The following GPC5 variants were observed in gnomAD, a reference collection of about 807,000 sequenced individuals.
GPC5 encodes the protein glypican 5, also known as glypican-5.
Under a neutral mutation model 53.9 loss-of-function variants are expected in GPC5, and 47 were observed. The observed-to-expected ratio is 0.87, with a 90% CI of 0.69 to 1.11. The LOEUF (loss-of-function observed/expected upper bound fraction) is 1.11, where lower values mean the gene tolerates loss of function less well. Ranked by LOEUF, GPC5 falls within the 50% of genes most tolerant of loss-of-function variation. The probability of loss-of-function intolerance (pLI) is 0.00; values close to 1 mark genes in which losing one functional copy is unlikely to be tolerated. For missense variants in GPC5, 748 were observed against 713.1 expected, an observed-to-expected ratio of 1.05 and a Z score of -0.56; for synonymous variants, 286 against 263.3, an observed-to-expected ratio of 1.09 and a Z score of -0.84.
intron 7 of GPC5, among the ~76,000 whole-genome samples, chr13:92,537,765 T>C (rs1881772869): frequency 6.6e-6 from 1 of 152,116 alleles, no homozygotes; most frequent in Non-Finnish European, 1.5e-5. Flanking sequence ...TCCAAGCTCC[T>C]TAGTCAAACA....
intron 7 of GPC5, among the ~76,000 whole-genome samples, chr13:92,453,483 G>A (rs995365146): frequency 3.3e-5 from 5 of 151,980 alleles, no homozygotes; most frequent in Non-Finnish European, 7.4e-5. Context: ...TGAGCCCCGC[G>A]CCGACTCCAA....
chr13:92,825,861 CTG>C (rs1209314246), intron 7 of GPC5, among the ~76,000 whole-genome samples: 1 of 152,032 alleles, frequency 6.6e-6, no homozygotes, highest in Non-Finnish European at 1.5e-5. Context: ...TTACTCAATG[CTG>C]TGTTTTTCAT....
intron 2 of GPC5, among the ~76,000 whole-genome samples, chr13:91,455,451 T>A (rs1881476730): frequency 6.6e-6 from 1 of 152,142 alleles, no homozygotes; most frequent in Admixed American, 6.6e-5. Context: ...CTCTGATTAT[T>A]AGGGTGTCTG....
chr13:91,599,992 G>T (rs1566541843), intron 2 of GPC5, among the ~76,000 whole-genome samples: 1 of 152,186 alleles, frequency 6.6e-6, no homozygotes, highest in Non-Finnish European at 1.5e-5. Flanking sequence ...TGCGATCTTG[G>T]CTCACTGCCA....
intron 2 of GPC5, among the ~76,000 whole-genome samples, chr13:91,516,431 C>T (rs1380034362): frequency 6.6e-6 from 1 of 152,178 alleles, no homozygotes; most frequent in Non-Finnish European, 1.5e-5. Flanking sequence ...AAAATGACCT[C>T]CTTTGACTCA....
intron 2 of GPC5, among the ~76,000 whole-genome samples, chr13:91,687,590 T>A (rs2035649839): frequency 6.6e-6 from 1 of 152,016 alleles, no homozygotes; most frequent in Admixed American, 6.6e-5. Flanking sequence ...ATTCTATATT[T>A]AAACAGTAAT....
Position 92,818,275 on chromosome 13 carries a change from G to A in GPC5, c.1562-48007G>A, listed in dbSNP as rs559321263. On this transcript the variant is annotated intron_variant, in intron 7 of 7. Coordinates refer to ENST00000377067, the MANE Select transcript of GPC5 (RefSeq NM_004466.6). ...TTCAACTGCTTCGGCCTCCCAAAGT[G>A]CTGGCATTACAGGCGTGAGCCACCG... Among the ~76,000 whole-genome samples the A allele has an allele frequency of 2.9e-4, 44 of 152,060 alleles. 2 individuals are homozygous for A. The highest frequency in any genetic ancestry group is 1.1e-3 in the African/African-American group (44 of 41,368).
chr13:92,440,396 C>T (rs903554670), intron 7 of GPC5, among the ~76,000 whole-genome samples: 1 of 152,088 alleles, frequency 6.6e-6, no homozygotes, highest in African/African-American at 2.4e-5. Flanking sequence ...AGGGTAATGG[C>T]CACCAGCTGC....
At chr13:91,793,815 A>G (rs1329163022) in intron 5 of GPC5, among the ~76,000 whole-genome samples, 1 of 152,074 alleles carries the variant, frequency 6.6e-6, no homozygotes, top group Non-Finnish European at 1.5e-5. Flanking sequence ...TTATAAAACC[A>G]TCAGATTTTG....
At chr13:92,166,374 A>C (rs938793075) in intron 7 of GPC5, among the ~76,000 whole-genome samples, 1 of 152,206 alleles carries the variant, frequency 6.6e-6, no homozygotes, top group Non-Finnish European at 1.5e-5. Context: ...AAAATCAAGA[A>C]ATGCTCACAA....
At chr13:92,343,356 G>A (rs924891719) in intron 7 of GPC5, among the ~76,000 whole-genome samples, 19 of 152,142 alleles carry the variant, frequency 1.2e-4, no homozygotes, top group Admixed American at 2.6e-4. Flanking sequence ...ATGAAAAAGC[G>A]TATAATGCTT....
At chr13:92,645,191 G>A (rs1443144523) in intron 7 of GPC5, among the ~76,000 whole-genome samples, 1 of 152,110 alleles carries the variant, frequency 6.6e-6, no homozygotes, top group Non-Finnish European at 1.5e-5. Flanking sequence ...CTGGGCCCAG[G>A]CTGGAGTGCA....
intron 2 of GPC5, among the ~76,000 whole-genome samples, chr13:91,621,067 C>G (rs577370960): frequency 6.6e-6 from 1 of 152,192 alleles, no homozygotes; most frequent in South Asian, 2.1e-4. Context: ...AGGGGGTCCT[C>G]TGTTAGAATG....
intron 6 of GPC5, among the ~76,000 whole-genome samples, chr13:92,144,260 G>A (rs145286750): frequency 1.6e-4 from 24 of 152,262 alleles, no homozygotes; most frequent in African/African-American, 5.3e-4. Context: ...TGTAGAAATG[G>A]ATGTAGGACC....
chr13:92,784,327 C>T (rs1257346271), intron 7 of GPC5, among the ~76,000 whole-genome samples: 1 of 152,052 alleles, frequency 6.6e-6, no homozygotes, highest in African/African-American at 2.4e-5. Context: ...GAATTATTCC[C>T]TATTTTGTAG....
rs982962938 is a variant in GPC5, at chr13:92,735,449, C to T, written c.1562-130833C>T. Among the ~76,000 whole-genome samples, 16 of 151,976 alleles carry T rather than the reference C, an allele frequency of 1.1e-4. 1 individual carries two copies. Among genetic ancestry groups the T allele is most frequent in the Admixed American group, 3.3e-4 (5 of 15,206 alleles). Reference sequence around the variant, plus strand: ...TTATTTAAATACTGATTCTTCTTCTCGATAGTGTGACCTTGGTAAATTACA... The same window carrying T: ...TTATTTAAATACTGATTCTTCTTCTTGATAGTGTGACCTTGGTAAATTACA... On this transcript the variant is annotated intron_variant, in intron 7 of 7. Coordinates refer to ENST00000377067, the MANE Select transcript of GPC5 (RefSeq NM_004466.6).
At chr13:92,751,320 A>AC (rs1405717531) in intron 7 of GPC5, among the ~76,000 whole-genome samples, 13 of 147,882 alleles carry the variant, frequency 8.8e-5, no homozygotes, top group Non-Finnish European at 1.5e-4. Context: ...AAAAAAAAAA[A>AC]AAAAAAAAAA....
At chr13:91,677,566 T>C (rs1444392725) in intron 2 of GPC5, among the ~76,000 whole-genome samples, 1 of 152,204 alleles carries the variant, frequency 6.6e-6, no homozygotes, top group Non-Finnish European at 1.5e-5. Flanking sequence ...AATTAGTTCA[T>C]CTGTCAAGTT....
At chr13:92,718,732 G>A (rs996223554) in intron 7 of GPC5, among the ~76,000 whole-genome samples, 7 of 151,914 alleles carry the variant, frequency 4.6e-5, no homozygotes, top group African/African-American at 1.7e-4. Flanking sequence ...ACTTAGCCGG[G>A]CATGATTGCA....
Sources: allele counts gnomAD v4.1 joint callset (sites outside exome capture counted in the v4.1 genomes callset), GRCh38; gene constraint gnomAD v4.1.1; transcripts MANE v1.5; gene names NCBI Gene and HGNC (gene_info 2026-07-23, HGNC 2026-07-21).